The following TEC variants were observed in gnomAD, a reference collection of about 807,000 sequenced individuals.
TEC encodes tec protein tyrosine kinase.
In TEC, 72 loss-of-function variants were observed where a neutral mutation model predicts 93.0. The ratio of observed to expected loss-of-function variants is 0.77; its 90% CI spans 0.64 to 0.94. The LOEUF (loss-of-function observed/expected upper bound fraction) is 0.94, where lower values mean the gene tolerates loss of function less well. Among genes scored for constraint, TEC ranks in the 40% least tolerant of loss-of-function variants. The pLI, the probability that TEC is intolerant of heterozygous loss-of-function variation, is 0.00. For synonymous variants in TEC, 249 were observed against 247.7 expected (o/e 1.01, Z -0.05); for missense variants, 630 against 757.9 (o/e 0.83, Z 1.98).
At chr4:48,213,428 T>C (rs1008536188) in intron 2 of TEC, among the ~76,000 whole-genome samples, 1 of 152,230 alleles carries the variant, frequency 6.6e-6, no homozygotes, top group African/African-American at 2.4e-5. Flanking sequence ...TTATCTGAAG[T>C]AGTAATCAGT....
intron 5 of TEC, among the ~76,000 whole-genome samples, chr4:48,169,754 G>A (rs943641902): frequency 1.3e-5 from 2 of 152,174 alleles, no homozygotes; most frequent in African/African-American, 2.4e-5. Flanking sequence ...GGTTTTAGGT[G>A]TCAAAATTAA....
At chr4:48,144,939 T>C (rs1280658346) in intron 14 of TEC, 140 bp downstream of exon 14, 1 of 719,054 alleles carries the variant, frequency 1.4e-6, no homozygotes, top group Non-Finnish European at 2.4e-6. Context: ...ACAGGGCAAG[T>C]TAAATTTACC....
intron 2 of TEC, among the ~76,000 whole-genome samples, chr4:48,212,474 C>T (rs1448561783): frequency 6.6e-6 from 1 of 152,190 alleles, no homozygotes; most frequent in Non-Finnish European, 1.5e-5. Flanking sequence ...GATGTCACTT[C>T]AGAGAACACT....
chr4:48,255,689 T>C (rs1335386237), intron 1 of TEC, among the ~76,000 whole-genome samples: 1 of 152,212 alleles, frequency 6.6e-6, no homozygotes, highest in Non-Finnish European at 1.5e-5. Flanking sequence ...GTAACTCAGG[T>C]TCCTCATTGT....
chr4:48,202,094 C>A (rs1722542257), intron 2 of TEC, among the ~76,000 whole-genome samples: 1 of 151,744 alleles, frequency 6.6e-6, no homozygotes, highest in Non-Finnish European at 1.5e-5. Context: ...GTAGCTGGGA[C>A]TACAGGCGCC....
rs187341830 is a variant in TEC, at chr4:48,269,369, G to A, written c.-46+383C>T. ...ATCGCGCCGCCGCCCAACCCGAAAGGAGGCATCAGCCCTGCTCGCCGCTGG... is the reference window on the plus strand; with the variant it reads ...ATCGCGCCGCCGCCCAACCCGAAAGAAGGCATCAGCCCTGCTCGCCGCTGG... On this transcript the variant is annotated intron_variant, in intron 1 of 17. Transcript: ENST00000381501. 7.9e-5 allele frequency among the ~76,000 whole-genome samples: 12 copies of A among 152,378 alleles called. No individual in the cohort carries two copies. The East Asian group carries it at 2.1e-3, about 27-fold the overall frequency.
At chr4:48,259,621 C>A (rs1724442876) in intron 1 of TEC, among the ~76,000 whole-genome samples, 1 of 150,498 alleles carries the variant, frequency 6.6e-6, no homozygotes, top group African/African-American at 2.5e-5. Flanking sequence ...GAGGCTGAGG[C>A]ATGAGAATCT....
chr4:48,258,130 T>C (rs1213622648), intron 1 of TEC, among the ~76,000 whole-genome samples: 1 of 145,318 alleles, frequency 6.9e-6, no homozygotes, highest in Non-Finnish European at 1.5e-5. Context: ...TTTATCTGAA[T>C]GCATTGTTTT....
At position 48,267,735 on chromosome 4, in the gene TEC, A is replaced by G. The variant is rs115765294; in HGVS notation, c.-46+2017T>C. Among the ~76,000 whole-genome samples, 507 of 152,342 alleles carry G rather than the reference A, an allele frequency of 3.3e-3. 5 individuals are homozygous for G. The highest frequency in any genetic ancestry group is 0.012 in the African/African-American group (491 of 41,568). ...ATCCAAGGAGCATCCACGGGGAACCAGCACCATGCTGAAGATCAACACTCA... is the reference window on the plus strand; with the variant it reads ...ATCCAAGGAGCATCCACGGGGAACCGGCACCATGCTGAAGATCAACACTCA... On this transcript the variant is annotated intron_variant, in intron 1 of 17. Coordinates refer to ENST00000381501, the MANE Select transcript of TEC (RefSeq NM_003215.3).
chr4:48,165,834 A>G (rs1226019738), intron 7 of TEC, among the ~76,000 whole-genome samples: 3 of 152,220 alleles, frequency 2.0e-5, no homozygotes, highest in Non-Finnish European at 4.4e-5. Flanking sequence ...TGAATAAACC[A>G]ACAGTAAAAA....
chr4:48,170,622 A>T (rs1721061320), intron 4 of TEC, among the ~76,000 whole-genome samples: 1 of 152,226 alleles, frequency 6.6e-6, no homozygotes, highest in Non-Finnish European at 1.5e-5. Flanking sequence ...TAAATGCAAA[A>T]GTCAACCTGC....
intron 14 of TEC, among the ~76,000 whole-genome samples, chr4:48,142,428 G>A (rs574531363): frequency 1.5e-4 from 23 of 152,172 alleles, no homozygotes; most frequent in African/African-American, 3.9e-4. Flanking sequence ...AGCAGAGATC[G>A]CGCCACTGCA....
intron 2 of TEC, among the ~76,000 whole-genome samples, chr4:48,228,220 T>C (rs1723539972): frequency 6.6e-6 from 1 of 152,192 alleles, no homozygotes; most frequent in Admixed American, 6.5e-5. Context: ...ATATGTACAA[T>C]GCACCTTACA....
chr4:48,225,710 CT>C (rs1011838354), intron 2 of TEC, among the ~76,000 whole-genome samples: 3 of 149,908 alleles, frequency 2.0e-5, no homozygotes, highest in African/African-American at 2.5e-5. Flanking sequence ...CTTTTTTTTT[CT>C]TTTTTTTTCT....
At chr4:48,177,560 C>A (rs1239459772) in intron 2 of TEC, among the ~76,000 whole-genome samples, 2 of 152,144 alleles carry the variant, frequency 1.3e-5, no homozygotes, top group Non-Finnish European at 2.9e-5. Flanking sequence ...TTCACCTGGG[C>A]CATCAGCACC....
intron 1 of TEC, among the ~76,000 whole-genome samples, chr4:48,268,946 AAAAAT>A (rs370861678): frequency 4.8e-4 from 73 of 152,334 alleles, no homozygotes; most frequent in African/African-American, 1.7e-3. Context: ...CGTCCACGGG[AAAAAT>A]AAAATAAAAT....
intron 1 of TEC, among the ~76,000 whole-genome samples, chr4:48,236,645 T>C (rs866923179): frequency 2.0e-5 from 3 of 152,224 alleles, no homozygotes; most frequent in Non-Finnish European, 2.9e-5. Flanking sequence ...TCATTGGAGT[T>C]GAACACAAGA....
chr4:48,247,396 C>T (rs1300630791), intron 1 of TEC, among the ~76,000 whole-genome samples: 1 of 152,120 alleles, frequency 6.6e-6, no homozygotes, highest in Non-Finnish European at 1.5e-5. Flanking sequence ...GGTATATACC[C>T]AACAGAATTA....
At chr4:48,194,318 G>A (rs11725773) in intron 2 of TEC, among the ~76,000 whole-genome samples, 70,930 of 152,084 alleles carry the variant, frequency 0.47, 17,054 homozygotes, top group African/African-American at 0.55. Context: ...CACAATTATG[G>A]ACTGGAAATA....
Sources: allele counts gnomAD v4.1 joint callset (sites outside exome capture counted in the v4.1 genomes callset), GRCh38; gene constraint gnomAD v4.1.1; transcripts MANE v1.5; gene names NCBI Gene and HGNC (gene_info 2026-07-23, HGNC 2026-07-21).